Variants in TJAP1 observed in about 807,000 individuals in gnomAD.
The protein encoded by TJAP1 is tight junction associated protein 1.
TJAP1 carries 27 observed loss-of-function variants against 42.0 expected under a neutral mutation model. The ratio of observed to expected loss-of-function variants is 0.64; its 90% CI spans 0.47 to 0.89. The LOEUF (loss-of-function observed/expected upper bound fraction) is 0.89, where lower values mean the gene tolerates loss of function less well. Among genes scored for constraint, TJAP1 ranks in the 40% least tolerant of loss-of-function variants. The probability of loss-of-function intolerance (pLI) is 0.00; values close to 1 mark genes in which losing one functional copy is unlikely to be tolerated. For missense variants in TJAP1, 712 were observed against 726.9 expected, an observed-to-expected ratio of 0.98 and a Z score of 0.24; for synonymous variants, 257 against 288.4, an observed-to-expected ratio of 0.89 and a Z score of 1.10.
chr6:43,497,002 C>T (rs569229542), intron 2 of TJAP1: 46 of 152,454 alleles, frequency 3.0e-4, no homozygotes, highest in African/African-American at 1.1e-3. Context: ...TTACACAGGG[C>T]CCCACAGTGT....
In TJAP1 at chr6:43,492,883, C is replaced by T. The variant is rs1469466029; in HGVS notation, c.-121-4998C>T. ...GCTGACCCCCACTGGGGCACAGCTT[C>T]CCACAGGCTTGCAGACTTCAGAGAC... On this transcript the variant is annotated intron_variant, in intron 2 of 10. Transcript: ENST00000372449. The surrounding 1 kb of genome is among the most constrained non-coding windows in gnomAD (Gnocchi z 4.2). Among the ~76,000 whole-genome samples the T allele has an allele frequency of 3.3e-5, 5 of 152,190 alleles. No homozygotes were observed. The highest frequency in any genetic ancestry group is 5.9e-5 in the Non-Finnish European group (4 of 68,038).
At chr6:43,504,786 T>C (rs756386347) in exon 11 of TJAP1, 28 of 1,613,882 alleles carry the variant, frequency 1.7e-5, no homozygotes, top group Non-Finnish European at 6.8e-6. Context: ...CAGGACATGG[T>C]TCGGAAACAT....
In TJAP1 at chr6:43,495,461, T is replaced by A. The variant is rs904401803; in HGVS notation, c.-121-2420T>A. ...CTGGGTGTTGGGCACACCCTGTGTTTATGGACACAGGGCAGGAAGTGGTTG... is the reference window on the plus strand; with the variant it reads ...CTGGGTGTTGGGCACACCCTGTGTTAATGGACACAGGGCAGGAAGTGGTTG... On this transcript the variant is annotated intron_variant, in intron 2 of 10. Coordinates refer to ENST00000372449, the Ensembl canonical transcript of TJAP1. This position sits in a 1 kb window ranked among gnomAD's most constrained non-coding sequence, Gnocchi z 4.6. Among the ~76,000 whole-genome samples the A allele has an allele frequency of 6.6e-6, 1 of 152,118 alleles. No individual in the cohort carries two copies. The highest frequency in any genetic ancestry group is 1.9e-4 in the East Asian group (1 of 5,184).
In TJAP1 at chr6:43,491,740, AG is replaced by A. The variant is rs1394748221; in HGVS notation, c.-121-6139del. 2.6e-5 allele frequency among the ~76,000 whole-genome samples: 4 copies of A among 152,260 alleles called. No homozygotes were observed. Among genetic ancestry groups the A allele is most frequent in the African/African-American group, 9.6e-5 (4 of 41,462 alleles). On this transcript the variant is annotated intron_variant, in intron 2 of 10. Coordinates refer to ENST00000372449, the Ensembl canonical transcript of TJAP1. This position sits in a 1 kb window ranked among gnomAD's most constrained non-coding sequence, Gnocchi z 4.6. The stretch of plus-strand genomic sequence containing the variant: ...ATAGTGAATGTATGATAGTTGATTA[AG>A]GAATAAACAATACCTATTTATATGC...
chr6:43,479,033 A>G, intron 2 of TJAP1, among the ~76,000 whole-genome samples: 1 of 152,194 alleles, frequency 6.6e-6, no homozygotes, highest in East Asian at 1.9e-4. Context: ...TTTGAAAAAT[A>G]TCAGTCTCAG....
intron 10 of TJAP1, 128 bp downstream of exon 10, chr6:43,503,834 C>G: frequency 1.2e-6 from 1 of 821,628 alleles, no homozygotes; most frequent in Non-Finnish European, 2.1e-6. Context: ...GCCTCCATGT[C>G]ACCTCTCAAG....
chr6:43,486,216 C>T lies in TJAP1; in HGVS notation c.-122+7984C>T, dbSNP rs531002489. ...CTGACCTCAGGTGATCCGCCCACCT[C>T]GGTCTCCCAAAGTGCAGGGATTACA... On this transcript the variant is annotated intron_variant, in intron 2 of 10. Coordinates refer to ENST00000372449, the Ensembl canonical transcript of TJAP1. Among the ~76,000 whole-genome samples the T allele has an allele frequency of 4.9e-3, 748 of 152,156 alleles. 5 individuals carry two copies. Among genetic ancestry groups the T allele is most frequent in the African/African-American group, 0.016 (677 of 41,496 alleles).
intron 2 of TJAP1, among the ~76,000 whole-genome samples, chr6:43,484,796 G>C (rs569984446): frequency 6.6e-6 from 1 of 152,304 alleles, no homozygotes; most frequent in South Asian, 2.1e-4. Context: ...CACGATCTCA[G>C]CTCACTGCAA....
chr6:43,480,221 T>C (rs1785021348), intron 2 of TJAP1, among the ~76,000 whole-genome samples: 1 of 152,250 alleles, frequency 6.6e-6, no homozygotes, highest in African/African-American at 2.4e-5. Flanking sequence ...TGTTTCATGG[T>C]TGAACCTGCT....
At position 43,483,123 on chromosome 6, in the gene TJAP1, AT is replaced by A. The variant is rs541005841; in HGVS notation, c.-122+4892del. Among the ~76,000 whole-genome samples the A allele has an allele frequency of 4.6e-4, 70 of 150,748 alleles. 1 individual carries two copies. In the South Asian group the frequency reaches 0.014, roughly 30 times the overall value. ...GGCAACAGAGCAAGACTCCATCTCAATAAAAAAAAAAAAAAAGTCTTCCCTT... is the reference window on the plus strand; with the variant it reads ...GGCAACAGAGCAAGACTCCATCTCAAAAAAAAAAAAAAAAAGTCTTCCCTT... On this transcript the variant is annotated intron_variant, in intron 2 of 10. Coordinates refer to ENST00000372449, the Ensembl canonical transcript of TJAP1.
intron 6 of TJAP1, among the ~76,000 whole-genome samples, chr6:43,502,070 A>ACTCTCTCTCTCTCTCT (rs1439125421): frequency 8.1e-6 from 1 of 123,852 alleles, no homozygotes; most frequent in African/African-American, 4.1e-5. Context: ...ACACACACAC[A>ACTCTCTCTCTCTCTCT]CACACACTCT....
At chr6:43,487,345 TG>T (rs1414113840) in intron 2 of TJAP1, among the ~76,000 whole-genome samples, 1 of 152,150 alleles carries the variant, frequency 6.6e-6, no homozygotes, top group Non-Finnish European at 1.5e-5. Context: ...TACCAAGCGG[TG>T]GTTGGCCTCT....
Position 43,491,845 on chromosome 6 carries a change from T to C in TJAP1, c.-121-6036T>C, listed in dbSNP as rs770942060. On this transcript the variant is annotated intron_variant, in intron 2 of 10. Coordinates refer to ENST00000372449, the Ensembl canonical transcript of TJAP1. The surrounding 1 kb of genome is among the most constrained non-coding windows in gnomAD (Gnocchi z 4.6). Reference sequence around the variant, plus strand: ...CATTTATAGTACTATATATTATTCATGGGGACTAGCAGTAATGCAGAGATG... The same window carrying C: ...CATTTATAGTACTATATATTATTCACGGGGACTAGCAGTAATGCAGAGATG... Among the ~76,000 whole-genome samples, 1 of 152,224 alleles carries C rather than the reference T, an allele frequency of 6.6e-6. No individual in the cohort carries two copies. The highest frequency in any genetic ancestry group is 1.5e-5 in the Non-Finnish European group (1 of 68,040).
intron 4 of TJAP1, 166 bp downstream of exon 4, chr6:43,499,266 A>T: frequency 1.0e-6 from 1 of 990,404 alleles, no homozygotes; most frequent in Non-Finnish European, 1.5e-6. Context: ...GGTGGGGGTA[A>T]TGTAGGCTCA....
At chr6:43,489,535 G>C (rs1414511256) in intron 2 of TJAP1, 1 of 152,624 alleles carries the variant, frequency 6.6e-6, no homozygotes, top group Non-Finnish European at 1.5e-5. Context: ...TGGCACTGGT[G>C]CGGGATGGGT....
chr6:43,502,390 A>T (rs1404385907), intron 7 of TJAP1, 41 bp downstream of exon 7: 1 of 1,604,424 alleles, frequency 6.2e-7, no homozygotes, highest in Non-Finnish European at 8.5e-7. Flanking sequence ...CACTGTGCTC[A>T]TAGCATAGCA....
chr6:43,486,250 C>G (rs1474401311), intron 2 of TJAP1, among the ~76,000 whole-genome samples: 1 of 151,888 alleles, frequency 6.6e-6, no homozygotes, highest in Non-Finnish European at 1.5e-5. Context: ...CAGACGTGAA[C>G]CACCATGCTC....
chr6:43,504,745 T>G lies in TJAP1; in HGVS notation c.580-16T>G. 1 of 1,604,076 alleles carries G rather than the reference T, an allele frequency of 6.2e-7. No individual in the cohort carries two copies. The highest frequency in any genetic ancestry group is 8.5e-7 in the Non-Finnish European group (1 of 1,172,796). ...TGCGATCATTGATGTCTCTCTTTCC[T>G]GCTCTTTTACCTCAGCTGCCCTGTG... On this transcript the variant is annotated splice_polypyrimidine_tract_variant and intron_variant, in intron 10 of 10. Coordinates refer to ENST00000372449, the Ensembl canonical transcript of TJAP1.
At chr6:43,498,926 A>G (rs531730309) in intron 3 of TJAP1, 52 bp from the exon 4 acceptor site, 1 of 1,580,160 alleles carries the variant, frequency 6.3e-7, no homozygotes, top group African/African-American at 1.3e-5. Flanking sequence ...TTCTCAGTCC[A>G]GAGTCCTTCT....
Sources: allele counts gnomAD v4.1 joint callset (sites outside exome capture counted in the v4.1 genomes callset), GRCh38; gene constraint gnomAD v4.1.1; non-coding constraint Gnocchi (gnomAD v3.1); transcripts MANE v1.5; gene names NCBI Gene and HGNC (gene_info 2026-07-23, HGNC 2026-07-21).